UTP20: variants seen among roughly 807,000 people sequenced by gnomAD.
UTP20 encodes the protein small subunit processome component 20 homolog.
UTP20 carries 164 observed loss-of-function variants against 329.5 expected under a neutral mutation model. The ratio of observed to expected loss-of-function variants is 0.50; its 90% CI spans 0.44 to 0.57. UTP20 has a LOEUF of 0.57. UTP20 is among the 20% of genes least tolerant of loss of function. UTP20 has a pLI of 0.00. For synonymous variants in UTP20, 1,151 were observed against 1,159.3 expected, an observed-to-expected ratio of 0.99 and a Z score of 0.14; for missense variants, 3,055 against 3,284.2, an observed-to-expected ratio of 0.93 and a Z score of 1.71.
chr12:101,354,997 T>A lies in UTP20; in HGVS notation c.5273T>A (p.Ile1758Asn), dbSNP rs1390790093. 6.2e-7 allele frequency: 1 copy of A among 1,614,026 alleles called. No homozygotes were observed. The highest frequency in any genetic ancestry group is 8.5e-7 in the Non-Finnish European group (1 of 1,180,036). Residue 1758 changes from isoleucine to asparagine, a missense_variant, in exon 41 of 62, where the codon ATC (isoleucine) becomes AAC (asparagine). Ile to Asn is a moderately radical substitution (Grantham distance 149). Coordinates refer to ENST00000261637, the MANE Select transcript of UTP20 (RefSeq NM_014503.3). ...ACATCAGCTAAAGAATCCGAGTGTA[T>A]CACAAAGCCTGTCTCTTTCCTTCCT... Reference protein sequence around the residue: ...GGTSAKESECITKPVSFLPQN... With the variant: ...GGTSAKESECNTKPVSFLPQN...
At chr12:101,352,717 C>G (rs898246780) in intron 39 of UTP20, among the ~76,000 whole-genome samples, 2 of 136,404 alleles carry the variant, frequency 1.5e-5, no homozygotes, top group Non-Finnish European at 3.1e-5. Context: ...TGCTAGATGA[C>G]GAGTTAGTGG....
At position 101,327,261 on chromosome 12, in the gene UTP20, A is replaced by T. The variant is rs369937458; in HGVS notation, c.3208+14A>T. 133 of 1,574,952 alleles carry T rather than the reference A, an allele frequency of 8.4e-5. No homozygotes were observed. In the African/African-American group the frequency reaches 1.6e-3, roughly 19 times the overall value. ...ATTTCAAGAATGGTAACTATCAGCT[A>T]CCTCTCACTCTAATACCTGTTGTCT... is the stretch of plus-strand genomic sequence containing the variant. On this transcript the variant is annotated intron_variant, in intron 26 of 61. Transcript: ENST00000261637.
rs759513776 is a variant in UTP20, at chr12:101,281,151, T to C, written c.81T>C (p.Asn27=). The C allele has an allele frequency of 6.8e-6, 11 of 1,613,376 alleles. No individual in the cohort carries two copies. In the African/African-American group the frequency reaches 1.2e-4, roughly 18 times the overall value. ...TTGCTGAACGACTGGGGAATGTTAA[T>C]ATTGATATTATTCACCGGATTGATA... ...LTFAERLGNV[N]IDIIHRIDRT... The change falls in exon 2 of 62, where the codon AAT becomes AAC. Residue 27 remains asparagine (N), a synonymous_variant. Coordinates refer to ENST00000261637, the MANE Select transcript of UTP20 (RefSeq NM_014503.3).
At chr12:101,349,187 TTTG>T (rs1041116356) in intron 38 of UTP20, among the ~76,000 whole-genome samples, 3 of 152,032 alleles carry the variant, frequency 2.0e-5, no homozygotes, top group Admixed American at 2.0e-4. Context: ...TTTTTTGTTT[TTTG>T]TTGTTATTGT....
intron 21 of UTP20, among the ~76,000 whole-genome samples, chr12:101,316,429 A>G (rs1171641590): frequency 6.6e-6 from 1 of 152,236 alleles, no homozygotes; most frequent in Non-Finnish European, 1.5e-5. Context: ...TATTAAGTGG[A>G]TGATGGTGCA....
At chr12:101,358,758 A>C (rs1217176409) in intron 43 of UTP20, among the ~76,000 whole-genome samples, 1 of 152,052 alleles carries the variant, frequency 6.6e-6, no homozygotes, top group African/African-American at 2.4e-5. Flanking sequence ...CATCAGGCAG[A>C]TAATGCCCAA....
intron 60 of UTP20, among the ~76,000 whole-genome samples, 163 bp downstream of exon 60, chr12:101,383,832 TTA>T (rs67382207): frequency 0.38 from 56,137 of 146,306 alleles, 12,189 homozygotes; most frequent in Middle Eastern, 0.52. Flanking sequence ...ATGTTTATAT[TTA>T]TATATATACA....
rs749876137 is a variant in UTP20 at position 101,319,551 on chromosome 12, A to C, written c.2745A>C (p.Leu915Phe). Reference sequence around the variant, plus strand: ...CTGTTTTGTTTTTGTTTAGGCAATTAATTGCTCATTTGCAAGTTTTCTCTA... The same window carrying C: ...CTGTTTTGTTTTTGTTTAGGCAATTCATTGCTCATTTGCAAGTTTTCTCTA... ...KKTRRAAAKQ[L>F]IAHLQVFSKF... The change falls in exon 23 of 62, where the codon TTA becomes TTC. Residue 915 changes from leucine to phenylalanine, a missense_variant. By Grantham distance (22) the Leu-to-Phe change is conservative (BLOSUM62 0). Transcript: ENST00000261637. 6.2e-7 allele frequency: 1 copy of C among 1,602,428 alleles called. No homozygotes were observed. Among genetic ancestry groups the C allele is most frequent in the South Asian group, 1.1e-5 (1 of 88,406 alleles).
Position 101,383,636 on chromosome 12 carries a change from T to G in UTP20, c.8023T>G (p.Phe2675Val). The change falls in exon 60 of 62, where the codon TTT becomes GTT. Residue 2675 changes from phenylalanine (F) to valine (V), a missense_variant. Phe to Val is a conservative substitution (Grantham distance 50). Coordinates refer to ENST00000261637, the MANE Select transcript of UTP20 (RefSeq NM_014503.3). ...TCTCCCAATGATCATAGCTCCTTTG[T>G]TTCGGGAACTCAACAGCACCTATTC... is the stretch of plus-strand genomic sequence containing the variant. Reference protein sequence around the residue: ...PYLPMIIAPLFRELNSTYSEQ... With the variant: ...PYLPMIIAPLVRELNSTYSEQ... 6.2e-7 allele frequency: 1 copy of G among 1,613,768 alleles called. No homozygotes were observed. Among genetic ancestry groups the G allele is most frequent in the African/African-American group, 1.3e-5 (1 of 75,014 alleles).
At chr12:101,290,357 G>C in intron 7 of UTP20, 83 bp downstream of exon 7, 2 of 1,474,452 alleles carry the variant, frequency 1.4e-6, no homozygotes, top group South Asian at 3.1e-5. Flanking sequence ...TGATGTGGAG[G>C]GAAGACAGCC....
intron 30 of UTP20, 88 bp from the exon 31 acceptor site, chr12:101,338,725 G>A (rs984776261): frequency 9.0e-7 from 1 of 1,106,056 alleles, no homozygotes; most frequent in Non-Finnish European, 1.3e-6. Context: ...CATAGTGGTT[G>A]AGTGCTTTTC....
rs375875829 is a variant in UTP20, at chr12:101,365,476, G to A, written c.5976G>A (p.Thr1992=). ...LPLKEILQNT[T]SLKLARKVHE... is the part of the protein sequence containing the mutation. ...GCCTTTAGATCTTACAAAATACCAC[G>A]AGTTTGAAACTGGCCCGGAAAGTTC... Residue 1992 remains threonine, a synonymous_variant, in exon 46 of 62, where the codon ACG becomes ACA. Coordinates refer to ENST00000261637, the MANE Select transcript of UTP20 (RefSeq NM_014503.3). 11 of 1,604,608 alleles carry A rather than the reference G, an allele frequency of 6.9e-6. No individual in the cohort carries two copies. The highest frequency in any genetic ancestry group is 9.3e-6 in the Non-Finnish European group (11 of 1,177,584).
At chr12:101,324,180 A>T (rs573524685) in intron 25 of UTP20, among the ~76,000 whole-genome samples, 68 of 151,702 alleles carry the variant, frequency 4.5e-4, no homozygotes, top group East Asian at 2.7e-3. Flanking sequence ...TAATTTTTTT[A>T]AAAAAGTCTA....
chr12:101,282,380 A>AC (rs1871828937), intron 2 of UTP20, among the ~76,000 whole-genome samples: 1 of 152,220 alleles, frequency 6.6e-6, no homozygotes, highest in Non-Finnish European at 1.5e-5. Context: ...AGAAGCCTAT[A>AC]TAAAGGAACA....
At chr12:101,351,754 G>A (rs1869536945) in intron 38 of UTP20, among the ~76,000 whole-genome samples, 1 of 151,866 alleles carries the variant, frequency 6.6e-6, no homozygotes, top group African/African-American at 2.4e-5. Context: ...TATAGTTTTT[G>A]TCATTTGTCG....
intron 22 of UTP20, 115 bp downstream of exon 22, chr12:101,317,778 A>C: frequency 1.6e-5 from 19 of 1,154,012 alleles, no homozygotes; most frequent in Non-Finnish European, 2.2e-5. Context: ...CGTAAGCGCT[A>C]CATCTTCCTG....
chr12:101,379,206 A>G (rs1330136337), intron 56 of UTP20, among the ~76,000 whole-genome samples, 165 bp from the exon 57 acceptor site: 1 of 152,118 alleles, frequency 6.6e-6, no homozygotes, highest in African/African-American at 2.4e-5. Flanking sequence ...ACATTAACCA[A>G]TCTCTTTTCA....
intron 43 of UTP20, among the ~76,000 whole-genome samples, chr12:101,357,327 C>T (rs1448004783): frequency 6.6e-6 from 1 of 152,134 alleles, no homozygotes; most frequent in Non-Finnish European, 1.5e-5. Context: ...TCTCAAATTA[C>T]TTCATATCAA....
chr12:101,281,635 G>A (rs1361185463), intron 2 of UTP20, among the ~76,000 whole-genome samples: 2 of 152,186 alleles, frequency 1.3e-5, no homozygotes, highest in South Asian at 2.1e-4. Context: ...AAAAATAAAG[G>A]GGCTAGACTA....
Sources: allele counts gnomAD v4.1 joint callset (sites outside exome capture counted in the v4.1 genomes callset), GRCh38; gene constraint gnomAD v4.1.1; transcripts MANE v1.5; gene names NCBI Gene and HGNC (gene_info 2026-07-23, HGNC 2026-07-21).